NUSAP1: variants seen among roughly 807,000 people sequenced by gnomAD.
The protein encoded by NUSAP1 is nucleolar and spindle-associated protein 1.
A neutral mutation model predicts 52.8 loss-of-function variants in NUSAP1; 32 were observed. The ratio of observed to expected loss-of-function variants is 0.61; its 90% CI spans 0.46 to 0.81. The LOEUF is 0.81. Ranked by LOEUF, NUSAP1 falls within the 40% of genes least tolerant of loss-of-function variation. NUSAP1 has a pLI of 0.00. For missense variants in NUSAP1, 499 were observed against 522.3 expected (o/e 0.96, Z 0.43); for synonymous variants, 195 against 183.1 (o/e 1.06, Z -0.52).
intron 8 of NUSAP1, among the ~76,000 whole-genome samples, chr15:41,372,014 C>G (rs932940583): frequency 6.6e-6 from 1 of 152,074 alleles, no homozygotes; most frequent in Non-Finnish European, 1.5e-5. Flanking sequence ...GTGATCCGCC[C>G]GCCTCGGCCT....
intron 5 of NUSAP1, among the ~76,000 whole-genome samples, chr15:41,357,571 G>T (rs2049019127): frequency 6.6e-6 from 1 of 151,742 alleles, no homozygotes; most frequent in Admixed American, 6.6e-5. Context: ...AGTGTCCCGA[G>T]TAGCTGGGAT....
At chr15:41,343,651 G>A (rs189985294) in intron 2 of NUSAP1, among the ~76,000 whole-genome samples, 3 of 151,852 alleles carry the variant, frequency 2.0e-5, no homozygotes, top group Non-Finnish European at 1.5e-5. Flanking sequence ...ACCATGCCCG[G>A]CCCATTTTCT....
At chr15:41,337,176 T>C (rs1409513384) in intron 1 of NUSAP1, among the ~76,000 whole-genome samples, 1 of 151,836 alleles carries the variant, frequency 6.6e-6, no homozygotes, top group Non-Finnish European at 1.5e-5. Flanking sequence ...CCACCCTGCC[T>C]GGCCAGTGTT....
chr15:41,361,405 AAT>A (rs2049173954), intron 6 of NUSAP1, among the ~76,000 whole-genome samples: 1 of 151,156 alleles, frequency 6.6e-6, no homozygotes. Flanking sequence ...AAAAAAAAAT[AAT>A]AATAATTTAA....
chr15:41,373,605 A>G (rs1476336344), intron 8 of NUSAP1, among the ~76,000 whole-genome samples: 1 of 150,878 alleles, frequency 6.6e-6, no homozygotes, highest in African/African-American at 2.4e-5. Context: ...GCCCGCCACC[A>G]CGCCCGGCTA....
At position 41,367,432 on chromosome 15, in the gene NUSAP1, A is replaced by T. The variant is rs117194652; in HGVS notation, c.848+1843A>T. Among the ~76,000 whole-genome samples, 1,254 of 152,232 alleles carry T rather than the reference A, an allele frequency of 8.2e-3. 13 individuals carry two copies. Among genetic ancestry groups the T allele is most frequent in the Non-Finnish European group, 0.014 (959 of 68,016 alleles). On this transcript the variant is annotated intron_variant, in intron 7 of 10. Transcript: ENST00000559596. ...CATGGTGTTGCAGCCACCCCTACCA[A>T]GCCCCTGTGGGCTTGGTAGAATGAA...
intron 10 of NUSAP1, among the ~76,000 whole-genome samples, chr15:41,377,968 C>A (rs1278853373): frequency 6.6e-6 from 1 of 150,424 alleles, no homozygotes; most frequent in Non-Finnish European, 1.5e-5. Context: ...CCAGCCTGGG[C>A]GACAGAGTGA....
chr15:41,375,556 C>T (rs574778592), intron 8 of NUSAP1, among the ~76,000 whole-genome samples, 156 bp from the exon 9 acceptor site: 1 of 152,198 alleles, frequency 6.6e-6, no homozygotes, highest in Non-Finnish European at 1.5e-5. Flanking sequence ...CGTGATCCGC[C>T]CACCTCGGCC....
chr15:41,366,916 C>T (rs912215615), intron 7 of NUSAP1, among the ~76,000 whole-genome samples: 1 of 152,160 alleles, frequency 6.6e-6, no homozygotes, highest in Admixed American at 6.6e-5. Flanking sequence ...CTTAGCGTGT[C>T]ATTTAAGTGG....
intron 1 of NUSAP1, among the ~76,000 whole-genome samples, chr15:41,337,910 T>C (rs955128427): frequency 1.8e-4 from 27 of 149,472 alleles, no homozygotes; most frequent in African/African-American, 6.2e-4. Context: ...ATCCACCCCA[T>C]TTTTTTTTCT....
At chr15:41,353,559 C>T (rs1006001488) in intron 4 of NUSAP1, among the ~76,000 whole-genome samples, 4 of 152,106 alleles carry the variant, frequency 2.6e-5, no homozygotes, top group Admixed American at 6.6e-5. Context: ...TTTACGGATA[C>T]ATTGGGGAAA....
chr15:41,343,621 T>C (rs2048445439), intron 2 of NUSAP1, among the ~76,000 whole-genome samples: 1 of 152,114 alleles, frequency 6.6e-6, no homozygotes, highest in Admixed American at 6.5e-5. Flanking sequence ...CCCAAAGTGC[T>C]GGGATTACAG....
chr15:41,344,541 G>A (rs995298371), intron 2 of NUSAP1, among the ~76,000 whole-genome samples: 36 of 152,110 alleles, frequency 2.4e-4, no homozygotes, highest in Admixed American at 2.2e-3. Context: ...GGGAAGCTGA[G>A]GCAGGAGAAT....
At chr15:41,346,484 T>G (rs1292614244) in intron 2 of NUSAP1, among the ~76,000 whole-genome samples, 1 of 151,924 alleles carries the variant, frequency 6.6e-6, no homozygotes, top group African/African-American at 2.4e-5. Context: ...TAAGAAATTT[T>G]TTTTGTAGAG....
intron 10 of NUSAP1, among the ~76,000 whole-genome samples, chr15:41,377,609 G>C (rs1288698568): frequency 7.0e-6 from 1 of 143,526 alleles, no homozygotes; most frequent in African/African-American, 2.6e-5. Flanking sequence ...TGAGGCAGGA[G>C]AATGGCGTGA....
At chr15:41,350,933 A>AG (rs771513120) in intron 3 of NUSAP1, 55 bp from the exon 4 acceptor site, 8 of 1,463,052 alleles carry the variant, frequency 5.5e-6, no homozygotes, top group Non-Finnish European at 7.4e-6. Flanking sequence ...TATCTTTGGA[A>AG]GGCAGCAATT....
rs371182832 is a variant in NUSAP1 at position 41,365,501 on chromosome 15, C to T, written c.760C>T (p.Arg254Trp). ...CATCAGCCAACGACGCTCGCAAGGC[C>T]GGTCTTGTGGCCCTGCAAGTCAGAG... ...TPISQRRSQG[R>W]SCGPASQSTL... The change falls in exon 7 of 11, where the codon CGG (arginine) becomes TGG (tryptophan). Residue 254 changes from arginine to tryptophan, a missense_variant. Arg to Trp is a moderately radical substitution (Grantham distance 101). Transcript: ENST00000559596. 108 of 1,612,506 alleles carry T rather than the reference C, an allele frequency of 6.7e-5. 2 individuals carry two copies. The South Asian group carries it at 8.6e-4, about 13-fold the overall frequency.
At chr15:41,333,700 C>A (rs2048008479) in intron 1 of NUSAP1, among the ~76,000 whole-genome samples, 1 of 152,184 alleles carries the variant, frequency 6.6e-6, no homozygotes, top group Non-Finnish European at 1.5e-5. Context: ...GCAGGCGGAT[C>A]ACCTGAGGTC....
intron 1 of NUSAP1, among the ~76,000 whole-genome samples, chr15:41,340,245 G>A (rs1260870196): frequency 6.6e-6 from 1 of 151,926 alleles, no homozygotes; most frequent in African/African-American, 2.4e-5. Context: ...CTTGGCGCTC[G>A]CTCTGCTCGG....
Sources: gnomAD v4.1 joint callset for allele counts (sites outside exome capture counted in the v4.1 genomes callset) on GRCh38, gnomAD v4.1.1 for gene constraint, MANE v1.5 for transcripts, NCBI Gene and HGNC (gene_info 2026-07-23, HGNC 2026-07-21) for gene names.